Variants in ZNF516 observed in about 807,000 individuals in gnomAD.
ZNF516 encodes zinc finger protein 516.
In ZNF516, 19 loss-of-function variants were observed where a neutral mutation model predicts 79.7. The ratio of observed to expected loss-of-function variants is 0.24; its 90% CI spans 0.17 to 0.35. The LOEUF is 0.35. ZNF516 is among the 10% of genes least tolerant of loss of function. The pLI, the probability that ZNF516 is intolerant of heterozygous loss-of-function variation, is 1.00. For synonymous variants in ZNF516, 877 were observed against 739.5 expected (o/e 1.19, Z -3.02); for missense variants, 1,678 against 1,679.5 (o/e 1.00, Z 0.02).
chr18:76,480,159 TAAAA>T (rs539724418), intron 1 of ZNF516, among the ~76,000 whole-genome samples: 29,162 of 109,098 alleles, frequency 0.27, 4,099 homozygotes, highest in African/African-American at 0.46. Context: ...AGATTTTGTG[TAAAA>T]AAAAAAAAAA....
chr18:76,413,289 C>T (rs1043606345), intron 3 of ZNF516, among the ~76,000 whole-genome samples: 5 of 152,302 alleles, frequency 3.3e-5, no homozygotes, highest in African/African-American at 1.2e-4. Context: ...TTAAATTCTA[C>T]TACTACATGA....
rs1184949316 is a variant in ZNF516, at chr18:76,467,825, G to A, written c.-271-4684C>T. 5.3e-5 allele frequency among the ~76,000 whole-genome samples: 8 copies of A among 152,174 alleles called. No homozygotes were observed. Among genetic ancestry groups the A allele is most frequent in the Admixed American group, 2.6e-4 (4 of 15,282 alleles). ...CCAAATAAATTCAAGTCCAGTTATC[G>A]AATAACTACATGCATCCCATCCCGC... is the stretch of plus-strand genomic sequence containing the variant. On this transcript the variant is annotated intron_variant, in intron 1 of 6. Coordinates refer to ENST00000443185, the MANE Select transcript of ZNF516 (RefSeq NM_014643.4). The surrounding 1 kb of genome is among the most constrained non-coding windows in gnomAD (Gnocchi z 4.2).
intron 3 of ZNF516, among the ~76,000 whole-genome samples, chr18:76,426,699 A>G (rs1350857887): frequency 6.6e-6 from 1 of 152,250 alleles, no homozygotes; most frequent in Non-Finnish European, 1.5e-5. Flanking sequence ...GCCGATGTCA[A>G]CACATACGCA....
intron 3 of ZNF516, among the ~76,000 whole-genome samples, chr18:76,381,775 C>T (rs551993802): frequency 3.5e-4 from 53 of 152,284 alleles, no homozygotes; most frequent in Non-Finnish European, 6.8e-4. Context: ...AGAACTGGTG[C>T]GGAGATGAGA....
Position 76,490,594 on chromosome 18 carries a change from A to G in ZNF516, c.-272+4550T>C, listed in dbSNP as rs539520669. ...AAAAGCTCCTTTTGGGAGGCTAGCCACCGTTGCATCTACTCGGGTCATTTT... is the reference window on the plus strand; with the variant it reads ...AAAAGCTCCTTTTGGGAGGCTAGCCGCCGTTGCATCTACTCGGGTCATTTT... On this transcript the variant is annotated intron_variant, in intron 1 of 6. Coordinates refer to ENST00000443185, the MANE Select transcript of ZNF516 (RefSeq NM_014643.4). 27 of 217,174 alleles carry G rather than the reference A, an allele frequency of 1.2e-4. No homozygotes were observed. The East Asian group carries it at 4.4e-3, about 35-fold the overall frequency. The allele number at this position is 217,174 out of a possible 1,614,324, so 13.5% of individuals were successfully genotyped here.
chr18:76,440,238 T>A (rs57318380), intron 3 of ZNF516, among the ~76,000 whole-genome samples: 2,715 of 152,230 alleles, frequency 0.018, 67 homozygotes, highest in African/African-American at 0.062. Flanking sequence ...TCTGTCCAGG[T>A]TTGGCCAAAT....
At chr18:76,468,492 C>T (rs1192244308) in intron 1 of ZNF516, among the ~76,000 whole-genome samples, 3 of 150,170 alleles carry the variant, frequency 2.0e-5, no homozygotes, top group Non-Finnish European at 3.0e-5. Context: ...CCTTGGCTCA[C>T]TGCAACCTCG....
In ZNF516 at chr18:76,467,691, T is replaced by C. The variant is rs913149947; in HGVS notation, c.-271-4550A>G. On this transcript the variant is annotated intron_variant, in intron 1 of 6. Coordinates refer to ENST00000443185, the MANE Select transcript of ZNF516 (RefSeq NM_014643.4). This position sits in a 1 kb window ranked among gnomAD's most constrained non-coding sequence, Gnocchi z 4.2. ...ACTCAAAGGCTACACCTCAAAAACA[T>C]GTTGCAATCTACATGGGCTGCCTCA... is the stretch of plus-strand genomic sequence containing the variant. Among the ~76,000 whole-genome samples, 5 of 152,320 alleles carry C rather than the reference T, an allele frequency of 3.3e-5. No individual in the cohort carries two copies. The East Asian group carries it at 5.8e-4, about 18-fold the overall frequency.
intron 1 of ZNF516, among the ~76,000 whole-genome samples, chr18:76,479,272 A>G (rs766186052): frequency 2.0e-5 from 3 of 152,210 alleles, no homozygotes; most frequent in African/African-American, 7.2e-5. Context: ...TCTTGCTGCT[A>G]AAGAACAGAA....
rs2074509660 is a variant in ZNF516, at chr18:76,360,166, G to A, written c.*2332C>T. On this transcript the variant is annotated 3_prime_UTR_variant, in exon 7 of 7. Coordinates refer to ENST00000443185, the MANE Select transcript of ZNF516 (RefSeq NM_014643.4). Reference sequence around the variant, plus strand: ...CCCAGCGCCAGCCCACTCCCCACCAGAGCCTCCAGGATGGAGCCTCACCAG... The same window carrying A: ...CCCAGCGCCAGCCCACTCCCCACCAAAGCCTCCAGGATGGAGCCTCACCAG... 1 of 152,346 alleles carries A rather than the reference G, an allele frequency of 6.6e-6. No homozygotes were observed. Among genetic ancestry groups the A allele is most frequent in the Non-Finnish European group, 1.5e-5 (1 of 68,156 alleles). 9.4% of individuals were successfully genotyped at this position (152,346 alleles called of 1,614,324 possible).
rs1271489891 is a variant in ZNF516, at chr18:76,473,916, G to T, written c.-271-10775C>A. Among the ~76,000 whole-genome samples the T allele has an allele frequency of 9.3e-4, 120 of 128,388 alleles. 3 individuals carry two copies. The highest frequency in any genetic ancestry group is 3.1e-3 in the African/African-American group (114 of 36,910). 84.2% of individuals were successfully genotyped at this position (128,388 alleles called of 152,430 possible). A position where few individuals can be genotyped will look rare whatever the true frequency, so the allele number is the denominator to read the frequency against. The stretch of plus-strand genomic sequence containing the variant: ...GTTGTTTTTGTGTGGGGGGGGGGGG[G>T]GCTTTCTTTTTGAGACAGGGTCTTA... On this transcript the variant is annotated intron_variant, in intron 1 of 6. Coordinates refer to ENST00000443185, the MANE Select transcript of ZNF516 (RefSeq NM_014643.4).
intron 3 of ZNF516, among the ~76,000 whole-genome samples, chr18:76,396,063 A>G (rs2075142495): frequency 6.6e-6 from 1 of 152,208 alleles, no homozygotes; most frequent in African/African-American, 2.4e-5. Flanking sequence ...GCCAGATGGA[A>G]TATTTGAGGT....
At chr18:76,420,740 T>C (rs2075496050) in intron 3 of ZNF516, among the ~76,000 whole-genome samples, 1 of 152,026 alleles carries the variant, frequency 6.6e-6, no homozygotes, top group Admixed American at 6.5e-5. Flanking sequence ...ATATTCTATA[T>C]ATATAAAAAA....
chr18:76,451,703 C>T lies in ZNF516; in HGVS notation c.-157-8492G>A, dbSNP rs78488369. ...GAGTATACTGTGTGTGTTTGTTCTC[C>T]GGGAAACAATGAGACGGGCTTCACT... On this transcript the variant is annotated intron_variant, in intron 2 of 6. Coordinates refer to ENST00000443185, the MANE Select transcript of ZNF516 (RefSeq NM_014643.4). The surrounding 1 kb of genome is among the most constrained non-coding windows in gnomAD (Gnocchi z 6.0). Among the ~76,000 whole-genome samples the T allele has an allele frequency of 4.3e-3, 654 of 152,178 alleles. 6 individuals carry two copies. The highest frequency in any genetic ancestry group is 0.015 in the African/African-American group (629 of 41,516).
intron 6 of ZNF516, among the ~76,000 whole-genome samples, chr18:76,367,579 G>A (rs923805547): frequency 3.9e-5 from 6 of 152,052 alleles, no homozygotes; most frequent in East Asian, 3.9e-4. Flanking sequence ...CCTCCACTCC[G>A]GGCCTTCCAC....
intron 2 of ZNF516, among the ~76,000 whole-genome samples, chr18:76,454,245 A>C (rs767472513): frequency 5.3e-5 from 8 of 152,252 alleles, no homozygotes; most frequent in Non-Finnish European, 1.0e-4. Flanking sequence ...CACGTCAATA[A>C]TCAATTTTAC....
At chr18:76,429,258 T>C (rs1037846411) in intron 3 of ZNF516, among the ~76,000 whole-genome samples, 5 of 152,156 alleles carry the variant, frequency 3.3e-5, no homozygotes, top group Non-Finnish European at 7.4e-5. Context: ...GAAACAGGTG[T>C]GTGGGGAGCA....
At chr18:76,401,673 C>A (rs929269544) in intron 3 of ZNF516, among the ~76,000 whole-genome samples, 1 of 151,858 alleles carries the variant, frequency 6.6e-6, no homozygotes, top group Admixed American at 6.6e-5. Flanking sequence ...GAGCCCGGAG[C>A]ACAACCGGCC....
At chr18:76,496,231 C>T, upstream of ZNF516, 2 of 1,248,760 alleles carry the variant, frequency 1.6e-6, no homozygotes, top group Non-Finnish European at 2.1e-6. Context: ...TGACGTAGAC[C>T]CGGGGAGCTG....
Sources: gnomAD v4.1 joint callset for allele counts (sites outside exome capture counted in the v4.1 genomes callset) on GRCh38, gnomAD v4.1.1 for gene constraint, Gnocchi (gnomAD v3.1) non-coding constraint, MANE v1.5 for transcripts, NCBI Gene and HGNC (gene_info 2026-07-23, HGNC 2026-07-21) for gene names.